PIP5K1B: variants seen among roughly 807,000 people sequenced by gnomAD.
PIP5K1B encodes the protein phosphatidylinositol 4-phosphate 5-kinase type-1 beta.
Under a neutral mutation model 67.0 loss-of-function variants are expected in PIP5K1B, and 42 were observed. The observed-to-expected ratio is 0.63, with a 90% CI of 0.49 to 0.81. The LOEUF is 0.81. Ranked by LOEUF, PIP5K1B falls within the 30% of genes least tolerant of loss-of-function variation. PIP5K1B has a pLI of 0.00. For missense variants in PIP5K1B, 459 were observed against 646.3 expected, an observed-to-expected ratio of 0.71 and a Z score of 3.14; for synonymous variants, 214 against 231.4, an observed-to-expected ratio of 0.92 and a Z score of 0.68.
intron 5 of PIP5K1B, among the ~76,000 whole-genome samples, chr9:68,868,973 G>A (rs1046809129): frequency 5.9e-5 from 9 of 152,166 alleles, no homozygotes; most frequent in Non-Finnish European, 1.2e-4. Context: ...TACGGCAAGG[G>A]TAAAACATTA....
chr9:68,898,666 A>C (rs1460601928), intron 8 of PIP5K1B, among the ~76,000 whole-genome samples: 1 of 152,106 alleles, frequency 6.6e-6, no homozygotes, highest in Admixed American at 6.6e-5. Context: ...ACCATCGTGC[A>C]GCCAGATACC....
intron 5 of PIP5K1B, among the ~76,000 whole-genome samples, chr9:68,875,577 G>A (rs921598226): frequency 1.3e-5 from 2 of 152,066 alleles, no homozygotes; most frequent in African/African-American, 4.8e-5. Flanking sequence ...GAATCTGATT[G>A]ATCTGAACAA....
At chr9:68,836,291 A>G (rs537070119) in intron 4 of PIP5K1B, among the ~76,000 whole-genome samples, 87 of 152,304 alleles carry the variant, frequency 5.7e-4, no homozygotes, top group Non-Finnish European at 1.1e-3. Flanking sequence ...CCCCCAACCC[A>G]GTGTTCTTTG....
intron 1 of PIP5K1B, among the ~76,000 whole-genome samples, chr9:68,737,175 C>T (rs1460393765): frequency 6.6e-6 from 1 of 152,048 alleles, no homozygotes; most frequent in African/African-American, 2.4e-5. Context: ...ACAACGTCAC[C>T]AGGTTTGCTT....
chr9:68,815,280 A>G (rs1478993206), intron 2 of PIP5K1B, among the ~76,000 whole-genome samples: 1 of 147,282 alleles, frequency 6.8e-6, no homozygotes, highest in Non-Finnish European at 1.5e-5. Flanking sequence ...AAAAAAAAAG[A>G]GTGAAAAATA....
At chr9:68,782,508 A>G (rs1831350095) in intron 2 of PIP5K1B, 1 of 167,102 alleles carries the variant, frequency 6.0e-6, no homozygotes, top group Non-Finnish European at 1.5e-5. Flanking sequence ...AAAGGGGAAA[A>G]ATGACTCAGA....
chr9:68,979,883 G>T (rs1829813910), intron 14 of PIP5K1B, among the ~76,000 whole-genome samples: 1 of 152,204 alleles, frequency 6.6e-6, no homozygotes, highest in African/African-American at 2.4e-5. Flanking sequence ...GTGGGGAAGA[G>T]CAGCAGCCAT....
At chr9:68,915,273 G>A (rs545837352) in intron 8 of PIP5K1B, among the ~76,000 whole-genome samples, 2 of 151,960 alleles carry the variant, frequency 1.3e-5, no homozygotes, top group South Asian at 2.1e-4. Flanking sequence ...ATATGAGTAG[G>A]GAAGTTAGCA....
rs578130937 is a variant in PIP5K1B at position 68,843,176 on chromosome 9, T to C, written c.69+20493T>C. On this transcript the variant is annotated intron_variant, in intron 4 of 15. Coordinates refer to ENST00000265382, the MANE Select transcript of PIP5K1B (RefSeq NM_003558.4). ...CTAAGGAGTGCCTTACCCTGATCCATTCTTTACACAAGCAGCCCCAGTCAG... is the reference window on the plus strand; with the variant it reads ...CTAAGGAGTGCCTTACCCTGATCCACTCTTTACACAAGCAGCCCCAGTCAG... 2.0e-5 allele frequency: 3 copies of C among 152,358 alleles called. No individual in the cohort carries two copies. The South Asian group carries it at 6.2e-4, about 32-fold the overall frequency. The allele number at this position is 152,358 out of a possible 1,614,324, so 9.4% of individuals were successfully genotyped here. A position where few individuals can be genotyped will look rare whatever the true frequency, so the allele number is the denominator to read the frequency against.
At chr9:68,951,370 G>GAAGA (rs1375238056) in intron 14 of PIP5K1B, among the ~76,000 whole-genome samples, 1 of 152,212 alleles carries the variant, frequency 6.6e-6, no homozygotes, top group Non-Finnish European at 1.5e-5. Context: ...CATCACACTG[G>GAAGA]AAGAATGGTT....
intron 14 of PIP5K1B, among the ~76,000 whole-genome samples, chr9:68,968,666 T>C (rs994505472): frequency 6.6e-6 from 1 of 151,640 alleles, no homozygotes; most frequent in Non-Finnish European, 1.5e-5. Context: ...TGAAAATACT[T>C]GTAGGGTGGA....
In PIP5K1B at chr9:68,874,874, G is replaced by A. The variant is rs575098245; in HGVS notation, c.201-1803G>A. Among the ~76,000 whole-genome samples the A allele has an allele frequency of 2.0e-5, 3 of 152,282 alleles. No homozygotes were observed. The South Asian group carries it at 6.2e-4, about 32-fold the overall frequency. On this transcript the variant is annotated intron_variant, in intron 5 of 15. Coordinates refer to ENST00000265382, the MANE Select transcript of PIP5K1B (RefSeq NM_003558.4). Reference sequence around the variant, plus strand: ...TATTTTTACTCGCTTGCAAAAGTGAGGAAGGATGTTATAGGTCTCTTTGAG... The same window carrying A: ...TATTTTTACTCGCTTGCAAAAGTGAAGAAGGATGTTATAGGTCTCTTTGAG...
At chr9:68,878,655 GAC>G (rs1283090822) in intron 6 of PIP5K1B, among the ~76,000 whole-genome samples, 1 of 152,112 alleles carries the variant, frequency 6.6e-6, no homozygotes, top group Non-Finnish European at 1.5e-5. Context: ...TGCAAGTCAT[GAC>G]ACACAAAGAA....
chr9:68,883,429 T>G (rs1467753765), intron 6 of PIP5K1B, among the ~76,000 whole-genome samples: 1 of 152,244 alleles, frequency 6.6e-6, no homozygotes, highest in African/African-American at 2.4e-5. Flanking sequence ...GAAGGGGAAG[T>G]GGACGATCAA....
At chr9:68,986,306 C>A (rs919297315) in intron 14 of PIP5K1B, among the ~76,000 whole-genome samples, 1 of 152,182 alleles carries the variant, frequency 6.6e-6, no homozygotes, top group Admixed American at 6.5e-5. Context: ...AAAGTGGTAT[C>A]TCACTATAGT....
chr9:68,987,650 A>G (rs996700509), intron 14 of PIP5K1B, among the ~76,000 whole-genome samples: 7 of 152,218 alleles, frequency 4.6e-5, no homozygotes, highest in African/African-American at 1.7e-4. Context: ...TGATAAAGAC[A>G]TACCCGAGAC....
chr9:68,872,884 C>G (rs1024584991), intron 5 of PIP5K1B, among the ~76,000 whole-genome samples: 11 of 152,162 alleles, frequency 7.2e-5, no homozygotes, highest in African/African-American at 2.7e-4. Context: ...ATTAATTAGA[C>G]AAGTTCTCTC....
chr9:68,954,079 C>T (rs575649024), intron 14 of PIP5K1B, among the ~76,000 whole-genome samples: 39 of 151,872 alleles, frequency 2.6e-4, no homozygotes, highest in African/African-American at 9.4e-4. Flanking sequence ...CTGTGTTTTC[C>T]GCAGGGAGAA....
chr9:68,960,004 G>C (rs547753442), intron 14 of PIP5K1B, among the ~76,000 whole-genome samples: 1 of 152,158 alleles, frequency 6.6e-6, no homozygotes, highest in African/African-American at 2.4e-5. Flanking sequence ...CTGCTTCATA[G>C]TGTTTATATT....
Sources: gnomAD v4.1 joint callset for allele counts (sites outside exome capture counted in the v4.1 genomes callset) on GRCh38, gnomAD v4.1.1 for gene constraint, MANE v1.5 for transcripts, NCBI Gene and HGNC (gene_info 2026-07-23, HGNC 2026-07-21) for gene names.